TFPI: variants seen among roughly 807,000 people sequenced by gnomAD.
The protein encoded by TFPI is anti-convertin.
A neutral mutation model predicts 34.6 loss-of-function variants in TFPI; 15 were observed. That is an observed-to-expected ratio of 0.43 (90% CI 0.29 to 0.67). The LOEUF (loss-of-function observed/expected upper bound fraction) is 0.67. Among genes scored for constraint, TFPI ranks in the 30% least tolerant of loss-of-function variants. TFPI has a pLI of 0.15. For synonymous variants in TFPI, 105 were observed against 120.1 expected (o/e 0.87, Z 0.82); for missense variants, 301 against 364.0 (o/e 0.83, Z 1.41).
chr2:187,473,105 C>T (rs1468834054), intron 6 of TFPI, among the ~76,000 whole-genome samples: 3 of 151,954 alleles, frequency 2.0e-5, no homozygotes, highest in African/African-American at 7.2e-5. Context: ...GGTAGAAAAA[C>T]CTGCATGTTA....
chr2:187,546,985 T>C (rs905105844), intron 1 of TFPI: 1 of 152,246 alleles, frequency 6.6e-6, no homozygotes, highest in African/African-American at 2.4e-5. Context: ...ATTACCTTTT[T>C]AAAAATTTTT....
intron 6 of TFPI, among the ~76,000 whole-genome samples, chr2:187,476,706 A>G (rs1474850189): frequency 6.6e-6 from 1 of 152,184 alleles, no homozygotes; most frequent in Non-Finnish European, 1.5e-5. Flanking sequence ...AATAGAAAAA[A>G]GGTAGAGAAT....
At chr2:187,516,993 C>T (rs1687053912) in intron 1 of TFPI, 1 of 152,196 alleles carries the variant, frequency 6.6e-6, no homozygotes, top group African/African-American at 2.4e-5. Flanking sequence ...AGATGCAAGT[C>T]TGCTGAAGTT....
chr2:187,528,859 TA>T (rs5837041), intron 1 of TFPI, among the ~76,000 whole-genome samples: 24,978 of 141,592 alleles, frequency 0.18, 2,517 homozygotes, highest in East Asian at 0.32. Context: ...ATAGTGTTGG[TA>T]AAAAAAAAAA....
chr2:187,484,773 C>T, intron 5 of TFPI, 38 bp downstream of exon 5: 1 of 1,547,630 alleles, frequency 6.5e-7, no homozygotes, highest in Non-Finnish European at 8.7e-7. Flanking sequence ...AAAAGGATGC[C>T]TATAAATGAA....
At chr2:187,520,082 G>A (rs748642400) in intron 1 of TFPI, among the ~76,000 whole-genome samples, 16 of 152,144 alleles carry the variant, frequency 1.1e-4, no homozygotes, top group Non-Finnish European at 1.9e-4. Flanking sequence ...AGCTTACTGG[G>A]CTCTGTAGGT....
intron 3 of TFPI, among the ~76,000 whole-genome samples, chr2:187,492,077 C>T (rs1352995997): frequency 6.6e-6 from 1 of 152,026 alleles, no homozygotes; most frequent in Non-Finnish European, 1.5e-5. Context: ...GTTTGAGTTA[C>T]ATGTACATTT....
chr2:187,534,969 C>G (rs900708137), intron 1 of TFPI, among the ~76,000 whole-genome samples: 5 of 151,290 alleles, frequency 3.3e-5, no homozygotes, highest in Non-Finnish European at 5.9e-5. Context: ...TTTAAACCAA[C>G]AAAGATCGAA....
intron 1 of TFPI, among the ~76,000 whole-genome samples, chr2:187,535,144 C>CT (rs1188855383): frequency 6.6e-6 from 1 of 152,110 alleles, no homozygotes; most frequent in Admixed American, 6.5e-5. Flanking sequence ...TAGTGGGAGA[C>CT]TTTAACACCC....
At chr2:187,502,628 A>G (rs560017011) in intron 2 of TFPI, among the ~76,000 whole-genome samples, 1 of 152,262 alleles carries the variant, frequency 6.6e-6, no homozygotes, top group Non-Finnish European at 1.5e-5. Flanking sequence ...TCAGAGAGCC[A>G]AGCTTGATTG....
intron 1 of TFPI, chr2:187,519,195 G>A (rs1687206992): frequency 1.3e-5 from 2 of 152,172 alleles, no homozygotes; most frequent in Admixed American, 1.3e-4. Flanking sequence ...CTGGCAAGGA[G>A]TGTGATCTGT....
At chr2:187,483,973 C>A in intron 6 of TFPI, 151 bp downstream of exon 6, 2 of 359,490 alleles carry the variant, frequency 5.6e-6, no homozygotes, top group Non-Finnish European at 5.2e-6. Context: ...ATGTCTTAAA[C>A]AATTTGAATC....
At position 187,479,475 on chromosome 2, in the gene TFPI, T is replaced by C. The variant is rs375460811; in HGVS notation, c.628+4649A>G. The stretch of plus-strand genomic sequence containing the variant: ...TGATATCTATTTATTTATCTATTTG[T>C]CTCATGTCTATACAGCCTGGTTTGC... On this transcript the variant is annotated intron_variant, in intron 6 of 7. Coordinates refer to ENST00000233156, the MANE Select transcript of TFPI (RefSeq NM_006287.6). 1.2e-4 allele frequency among the ~76,000 whole-genome samples: 18 copies of C among 148,782 alleles called. No individual in the cohort carries two copies. The East Asian group carries it at 2.9e-3, about 24-fold the overall frequency.
intron 1 of TFPI, among the ~76,000 whole-genome samples, chr2:187,511,563 T>C (rs1392422184): frequency 6.6e-6 from 1 of 152,212 alleles, no homozygotes; most frequent in Non-Finnish European, 1.5e-5. Context: ...AGGGAGATTA[T>C]GGTGTTACTC....
At chr2:187,471,621 T>C (rs1187517878) in intron 6 of TFPI, among the ~76,000 whole-genome samples, 7 of 151,950 alleles carry the variant, frequency 4.6e-5, no homozygotes, top group Non-Finnish European at 8.8e-5. Context: ...ACCTTCTGTC[T>C]ACAGGGTTTT....
At chr2:187,509,227 T>C (rs1426342083) in intron 1 of TFPI, among the ~76,000 whole-genome samples, 1 of 152,232 alleles carries the variant, frequency 6.6e-6, no homozygotes, top group East Asian at 1.9e-4. Context: ...TTCACATTAA[T>C]GTTCATCAGG....
At chr2:187,478,304 G>A (rs1692524472) in intron 6 of TFPI, among the ~76,000 whole-genome samples, 1 of 152,168 alleles carries the variant, frequency 6.6e-6, no homozygotes, top group Non-Finnish European at 1.5e-5. Context: ...AGATTGCAGT[G>A]AGCCGAGATC....
At chr2:187,481,189 T>C (rs1425220675) in intron 6 of TFPI, among the ~76,000 whole-genome samples, 1 of 152,116 alleles carries the variant, frequency 6.6e-6, no homozygotes, top group Non-Finnish European at 1.5e-5. Context: ...GGCAGATTAT[T>C]ATTCCTGTAC....
At chr2:187,535,618 G>A (rs138622181) in intron 1 of TFPI, among the ~76,000 whole-genome samples, 2,885 of 152,184 alleles carry the variant, frequency 0.019, 96 homozygotes, top group African/African-American at 0.065. Flanking sequence ...ACTAAATGCC[G>A]ACAGGAGAAA....
Sources: gnomAD v4.1 joint callset for allele counts (sites outside exome capture counted in the v4.1 genomes callset) on GRCh38, gnomAD v4.1.1 for gene constraint, MANE v1.5 for transcripts, NCBI Gene and HGNC (gene_info 2026-07-23, HGNC 2026-07-21) for gene names.